The following DLEU7 variants were observed in gnomAD, a reference collection of about 807,000 sequenced individuals.
The protein encoded by DLEU7 is leukemia-associated protein 7.
In DLEU7, 17 loss-of-function variants were observed where a neutral mutation model predicts 16.0. The observed-to-expected ratio is 1.06, with a 90% CI of 0.73 to 1.59. The LOEUF (loss-of-function observed/expected upper bound fraction) is 1.59. Ranked by LOEUF, DLEU7 falls within the 40% of genes most tolerant of loss-of-function variation. The pLI, the probability that DLEU7 is intolerant of heterozygous loss-of-function variation, is 0.00. For missense variants in DLEU7, 308 were observed against 314.9 expected (o/e 0.98, Z 0.17); for synonymous variants, 113 against 139.8 (o/e 0.81, Z 1.35).
downstream of DLEU7, among the ~76,000 whole-genome samples, chr13:50,821,091 C>T (rs1876891128): frequency 6.6e-6 from 1 of 152,008 alleles, no homozygotes. Context: ...TGCCAAGGGT[C>T]CCTGGAGACT....
chr13:50,712,219 T>C (rs1203218517), exon 2 of DLEU7: 1 of 152,232 alleles, frequency 6.6e-6, no homozygotes, highest in Non-Finnish European at 1.5e-5. Context: ...TTGGGATTTT[T>C]CTTTGCTTTG....
chr13:50,744,674 TAATG>T (rs1874343848), intron 1 of DLEU7, among the ~76,000 whole-genome samples: 1 of 152,182 alleles, frequency 6.6e-6, no homozygotes, highest in African/African-American at 2.4e-5. Flanking sequence ...ATATATCTAA[TAATG>T]AATTAATATG....
intron 1 of DLEU7, among the ~76,000 whole-genome samples, chr13:50,730,503 G>GA (rs1325771673): frequency 1.3e-5 from 2 of 152,088 alleles, no homozygotes; most frequent in South Asian, 2.1e-4. Flanking sequence ...GCAGATAGTA[G>GA]AAAAAATATA....
At chr13:50,763,842 T>C (rs1049862057) in intron 1 of DLEU7, among the ~76,000 whole-genome samples, 7 of 152,190 alleles carry the variant, frequency 4.6e-5, no homozygotes, top group African/African-American at 1.7e-4. Flanking sequence ...TTTCCACATC[T>C]GTAAACTGCA....
At chr13:50,723,634 T>A (rs1873681184) in intron 1 of DLEU7, among the ~76,000 whole-genome samples, 1 of 152,032 alleles carries the variant, frequency 6.6e-6, no homozygotes, top group South Asian at 2.1e-4. Flanking sequence ...TGAGGGGAAG[T>A]AGAGGGAGAA....
intron 1 of DLEU7, among the ~76,000 whole-genome samples, chr13:50,761,653 A>G (rs1874934451): frequency 6.6e-6 from 1 of 152,154 alleles, no homozygotes. Context: ...TGATGCTTCT[A>G]CTTGGAAGTA....
chr13:50,821,474 C>T (rs570121088), downstream of DLEU7, among the ~76,000 whole-genome samples: 7 of 152,132 alleles, frequency 4.6e-5, no homozygotes, highest in African/African-American at 2.4e-5. Flanking sequence ...GCAGATTTAC[C>T]AACAGCTATG....
chr13:50,791,997 A>C (rs188521249), intron 1 of DLEU7, among the ~76,000 whole-genome samples: 1 of 152,174 alleles, frequency 6.6e-6, no homozygotes, highest in East Asian at 1.9e-4. Context: ...GCAATCTCTT[A>C]CATTTTTTTA....
At chr13:50,767,291 T>TA (rs1875144987) in intron 1 of DLEU7, among the ~76,000 whole-genome samples, 1 of 151,652 alleles carries the variant, frequency 6.6e-6, no homozygotes, top group African/African-American at 2.4e-5. Context: ...CCGACTCTAC[T>TA]AAAAAATACA....
At chr13:50,731,483 T>G (rs1251112081) in intron 1 of DLEU7, among the ~76,000 whole-genome samples, 2 of 152,208 alleles carry the variant, frequency 1.3e-5, no homozygotes, top group Non-Finnish European at 2.9e-5. Flanking sequence ...CATCTCTTAT[T>G]GTGATAACAT....
rs1438979430 is a variant in DLEU7, at chr13:50,751,918, G to T, written c.460-38678C>A. Among the ~76,000 whole-genome samples the T allele has an allele frequency of 6.5e-5, 9 of 138,270 alleles. No individual in the cohort carries two copies. The East Asian group carries it at 1.2e-3, about 19-fold the overall frequency. The allele number at this position is 138,270 out of a possible 152,430, so 90.7% of individuals were successfully genotyped here. A position where few individuals can be genotyped will look rare whatever the true frequency, so the allele number is the denominator to read the frequency against. On this transcript the variant is annotated intron_variant, in intron 1 of 1. Transcript: ENST00000400393. ...TCATTTATCTTTTGTATTTTTTTTT[G>T]TTGTTGTTTCAATTTCATTTAGTTC...
intron 1 of DLEU7, among the ~76,000 whole-genome samples, chr13:50,837,635 T>C (rs113459376): frequency 0.015 from 2,271 of 152,304 alleles, 62 homozygotes; most frequent in African/African-American, 0.051. Flanking sequence ...AGCATTTATG[T>C]CTTCAATAGT....
At chr13:50,812,069 C>CAAAAAAAA (rs35178818) in intron 1 of DLEU7, among the ~76,000 whole-genome samples, 6 of 104,596 alleles carry the variant, frequency 5.7e-5, no homozygotes, top group Non-Finnish European at 1.1e-4. Context: ...GATTCCATCT[C>CAAAAAAAA]AAAAAAAAAA....
chr13:50,842,344 A>C (rs1877692798), intron 1 of DLEU7, among the ~76,000 whole-genome samples: 1 of 152,170 alleles, frequency 6.6e-6, no homozygotes, highest in Non-Finnish European at 1.5e-5. Flanking sequence ...GGGAAATAAA[A>C]TACAGCAATG....
At chr13:50,756,726 G>A (rs116101604) in intron 1 of DLEU7, among the ~76,000 whole-genome samples, 2,352 of 152,148 alleles carry the variant, frequency 0.015, 53 homozygotes, top group African/African-American at 0.053. Context: ...CCTGATTTCC[G>A]GCCAGGAAGC....
At chr13:50,788,784 A>G (rs771426422) in intron 1 of DLEU7, among the ~76,000 whole-genome samples, 7 of 152,220 alleles carry the variant, frequency 4.6e-5, no homozygotes, top group South Asian at 4.1e-4. Flanking sequence ...TTAAGACTTC[A>G]TCATAACAGT....
chr13:50,761,695 GGGCCCC>G (rs1430107876), intron 1 of DLEU7, among the ~76,000 whole-genome samples: 1 of 152,008 alleles, frequency 6.6e-6, no homozygotes, highest in African/African-American at 2.4e-5. Context: ...AATGAATCAT[GGGCCCC>G]AATCTGACTG....
downstream of DLEU7, among the ~76,000 whole-genome samples, chr13:50,821,412 A>G (rs1466806009): frequency 6.6e-6 from 1 of 152,196 alleles, no homozygotes; most frequent in African/African-American, 2.4e-5. Context: ...GATGCTATGC[A>G]ACATACAAAG....
rs989256752 is a variant in DLEU7 at position 50,726,626 on chromosome 13, C to T, written c.460-13386G>A. Among the ~76,000 whole-genome samples the T allele has an allele frequency of 1.3e-5, 2 of 152,130 alleles. No homozygotes were observed. Among genetic ancestry groups the T allele is most frequent in the African/African-American group, 4.8e-5 (2 of 41,420 alleles). ...CCCATCTGCAGTGAAATTTGTGGAT[C>T]GCATGGGAGGTCTTTTCATGTGTGT... On this transcript the variant is annotated intron_variant, in intron 1 of 1. Transcript: ENST00000400393. The surrounding 1 kb of genome is among the most constrained non-coding windows in gnomAD (Gnocchi z 4.0).
Sources: gnomAD v4.1 joint callset for allele counts (sites outside exome capture counted in the v4.1 genomes callset) on GRCh38, gnomAD v4.1.1 for gene constraint, Gnocchi (gnomAD v3.1) non-coding constraint, MANE v1.5 for transcripts, NCBI Gene and HGNC (gene_info 2026-07-23, HGNC 2026-07-21) for gene names.